The following PTER variants were observed in gnomAD, a reference collection of about 807,000 sequenced individuals.
PTER encodes phosphotriesterase related.
A neutral mutation model predicts 29.6 loss-of-function variants in PTER; 38 were observed. That is an observed-to-expected ratio of 1.28 (90% CI 0.99 to 1.68). PTER has a LOEUF of 1.68. PTER is among the 40% of genes most tolerant of loss of function. PTER has a pLI of 0.00. For synonymous variants in PTER, 172 were observed against 154.5 expected (o/e 1.11, Z -0.84); for missense variants, 482 against 427.8 (o/e 1.13, Z -1.12).
In PTER at chr10:16,484,625, A is replaced by G; in HGVS notation, c.241A>G (p.Lys81Glu). The G allele has an allele frequency of 4.3e-6, 7 of 1,614,168 alleles. No homozygotes were observed. Among genetic ancestry groups the G allele is most frequent in the Non-Finnish European group, 5.9e-6 (7 of 1,180,006 alleles). The change falls in exon 2 of 5, where the codon AAG becomes GAG. Residue 81 changes from lysine to glutamate, a missense_variant. Lys to Glu is a moderately conservative substitution (Grantham distance 56). Coordinates refer to ENST00000535784, the MANE Select transcript of PTER (RefSeq NM_001261836.2). ...LQLNQETEAI[K>E]EELLYFKANG... ...ATTAAATCAGGAGACAGAAGCCATA[A>G]AGGAAGAACTGTTGTATTTTAAAGC...
chr10:16,465,747 A>G (rs993300795), intron 1 of PTER, among the ~76,000 whole-genome samples: 5 of 152,166 alleles, frequency 3.3e-5, no homozygotes, highest in Non-Finnish European at 5.9e-5. Context: ...AAGTCTGGGT[A>G]ATTTATAATG....
chr10:16,449,738 A>G (rs1040965796), intron 1 of PTER, among the ~76,000 whole-genome samples: 25 of 152,086 alleles, frequency 1.6e-4, no homozygotes, highest in African/African-American at 5.6e-4. Context: ...TCACAAATCT[A>G]TTTCACAAGG....
rs367647045 is a variant in PTER, at chr10:16,508,524, C to G, written c.840-2522C>G. 2.2e-4 allele frequency among the ~76,000 whole-genome samples: 34 copies of G among 151,980 alleles called. No individual in the cohort carries two copies. The East Asian group carries it at 2.3e-3, about 10-fold the overall frequency. On this transcript the variant is annotated intron_variant, in intron 4 of 4. Transcript: ENST00000535784. ...CTTCTAGAACAAGAGAAAGAAGATC[C>G]GTAAAGGGGCATCTGTGAAGGAGAT...
intron 1 of PTER, among the ~76,000 whole-genome samples, chr10:16,466,654 C>T (rs1454883740): frequency 6.6e-6 from 1 of 152,200 alleles, no homozygotes; most frequent in Non-Finnish European, 1.5e-5. Flanking sequence ...CTGCACCTGG[C>T]CTGATTCTTT....
intron 1 of PTER, among the ~76,000 whole-genome samples, chr10:16,469,143 G>A (rs191619311): frequency 1.3e-5 from 2 of 152,292 alleles, no homozygotes; most frequent in East Asian, 3.9e-4. Flanking sequence ...CCGAGTAGAA[G>A]TTGGCCAGGA....
intron 2 of PTER, among the ~76,000 whole-genome samples, chr10:16,485,807 C>A (rs1835671846): frequency 1.3e-5 from 2 of 152,126 alleles, no homozygotes; most frequent in Non-Finnish European, 2.9e-5. Flanking sequence ...TAAAGCATTT[C>A]TTGATGCCTT....
chr10:16,479,831 C>T (rs1389221996), intron 1 of PTER, among the ~76,000 whole-genome samples: 1 of 151,808 alleles, frequency 6.6e-6, no homozygotes, highest in Non-Finnish European at 1.5e-5. Context: ...CGGGCCCCCT[C>T]CCTTCATCCA....
At chr10:16,511,012 C>T (rs778116408) in intron 4 of PTER, 34 bp from the exon 5 acceptor site, 1 of 1,569,816 alleles carries the variant, frequency 6.4e-7, no homozygotes, top group Non-Finnish European at 8.7e-7. Flanking sequence ...AAATGAAAGA[C>T]AAATGACATC....
At chr10:16,464,385 T>C (rs1437826144) in intron 1 of PTER, among the ~76,000 whole-genome samples, 2 of 152,240 alleles carry the variant, frequency 1.3e-5, no homozygotes, top group African/African-American at 4.8e-5. Context: ...TACTCAACTT[T>C]GAAGGCTTTC....
intron 1 of PTER, among the ~76,000 whole-genome samples, chr10:16,473,041 C>T (rs1243320856): frequency 6.7e-6 from 1 of 149,810 alleles, no homozygotes; most frequent in East Asian, 2.0e-4. Flanking sequence ...AAGGAAAAAA[C>T]TTTATTGGAA....
At chr10:16,510,040 C>CA (rs2133522757) in intron 4 of PTER, among the ~76,000 whole-genome samples, 1 of 152,208 alleles carries the variant, frequency 6.6e-6, no homozygotes, top group African/African-American at 2.4e-5. Context: ...TTCAAATAAT[C>CA]AGCCTCTGGA....
intron 1 of PTER, among the ~76,000 whole-genome samples, chr10:16,438,886 A>G (rs1833750603): frequency 7.1e-6 from 1 of 140,008 alleles, no homozygotes; most frequent in Non-Finnish European, 1.5e-5. Context: ...ACACCACTGC[A>G]CTCCAGCCTG....
chr10:16,514,736 C>T (rs773264940), downstream of PTER: 156 of 1,545,112 alleles, frequency 1.0e-4, 1 homozygote, highest in African/African-American at 4.1e-5. Flanking sequence ...AATTAGGATG[C>T]GTAAATGAGA....
At chr10:16,482,576 G>A (rs1454975856) in intron 1 of PTER, among the ~76,000 whole-genome samples, 1 of 152,110 alleles carries the variant, frequency 6.6e-6, no homozygotes, top group African/African-American at 2.4e-5. Context: ...GTCAAAGAAG[G>A]CTTTCAAGGG....
At chr10:16,486,014 A>G (rs551452114) in intron 2 of PTER, among the ~76,000 whole-genome samples, 96 of 152,296 alleles carry the variant, frequency 6.3e-4, no homozygotes, top group African/African-American at 2.2e-3. Context: ...TCTATATTCT[A>G]GATGCTGCTC....
chr10:16,511,257 G>A lies in PTER; in HGVS notation c.*1G>A. The A allele has an allele frequency of 6.2e-7, 1 of 1,612,022 alleles. No individual in the cohort carries two copies. Among genetic ancestry groups the A allele is most frequent in the Non-Finnish European group, 8.5e-7 (1 of 1,178,232 alleles). ...TAAGCAATGGCTAACTTTCAAATAGGATGGTTGCTTATGAATTCACACCTT... is the reference window on the plus strand; with the variant it reads ...TAAGCAATGGCTAACTTTCAAATAGAATGGTTGCTTATGAATTCACACCTT... On this transcript the variant is annotated 3_prime_UTR_variant, in exon 5 of 5. Coordinates refer to ENST00000535784, the MANE Select transcript of PTER (RefSeq NM_001261836.2).
At chr10:16,477,339 A>G (rs1315453309) in intron 1 of PTER, among the ~76,000 whole-genome samples, 2 of 141,750 alleles carry the variant, frequency 1.4e-5, no homozygotes, top group Admixed American at 1.3e-4. Context: ...TAAAATACAC[A>G]TTTTATTTTA....
intron 1 of PTER, chr10:16,476,106 T>C (rs1835250291): frequency 6.6e-6 from 1 of 152,200 alleles, no homozygotes; most frequent in Non-Finnish European, 1.5e-5. Flanking sequence ...TATTTTGAGA[T>C]GGAGCCTCGC....
chr10:16,491,094 A>G (rs1835883331), intron 3 of PTER, among the ~76,000 whole-genome samples: 3 of 152,120 alleles, frequency 2.0e-5, no homozygotes, highest in Non-Finnish European at 4.4e-5. Flanking sequence ...ATGGGTCAGA[A>G]CAGAATGGAA....
Sources: allele counts gnomAD v4.1 joint callset (sites outside exome capture counted in the v4.1 genomes callset), GRCh38; gene constraint gnomAD v4.1.1; transcripts MANE v1.5; gene names NCBI Gene and HGNC (gene_info 2026-07-23, HGNC 2026-07-21).